ATXN1: variants seen among roughly 807,000 people sequenced by gnomAD.
The protein encoded by ATXN1 is ataxin-1.
ATXN1 carries 8 observed loss-of-function variants against 56.4 expected under a neutral mutation model. The observed-to-expected ratio is 0.14, with a 90% CI of 0.08 to 0.26. The LOEUF (loss-of-function observed/expected upper bound fraction) is 0.26, where lower values mean the gene tolerates loss of function less well. Among genes scored for constraint, ATXN1 ranks in the 10% least tolerant of loss-of-function variants. ATXN1 has a pLI of 1.00. For missense variants in ATXN1, 987 were observed against 1,106.5 expected, an observed-to-expected ratio of 0.89 and a Z score of 1.53; for synonymous variants, 514 against 494.6, an observed-to-expected ratio of 1.04 and a Z score of -0.52.
chr6:16,347,866 G>A lies in ATXN1; in HGVS notation c.-160-19396C>T, dbSNP rs576614268. Among the ~76,000 whole-genome samples, 234 of 151,974 alleles carry A rather than the reference G, an allele frequency of 1.5e-3. 1 individual carries two copies. Among genetic ancestry groups the A allele is most frequent in the Non-Finnish European group, 2.9e-3 (199 of 68,026 alleles). ...ACCTTCTCCGATCCCTTTCCACACT[G>A]TGGAAGCTTTGTTCTTTTTGTCTTT... On this transcript the variant is annotated intron_variant, in intron 6 of 7. Coordinates refer to ENST00000436367, the MANE Select transcript of ATXN1 (RefSeq NM_001128164.2).
chr6:16,429,425 GT>G (rs3072201), intron 6 of ATXN1, among the ~76,000 whole-genome samples: 3,857 of 105,910 alleles, frequency 0.036, 52 homozygotes, highest in African/African-American at 0.068. Flanking sequence ...TTTTTTGTTC[GT>G]TTTTTTTTTT....
intron 6 of ATXN1, among the ~76,000 whole-genome samples, chr6:16,468,814 C>T (rs1412353615): frequency 2.0e-5 from 3 of 151,798 alleles, no homozygotes; most frequent in African/African-American, 7.3e-5. Flanking sequence ...TTTTCAGATG[C>T]TTGAGAATAT....
intron 3 of ATXN1, among the ~76,000 whole-genome samples, chr6:16,596,776 C>T (rs1041957008): frequency 3.9e-5 from 6 of 152,160 alleles, no homozygotes; most frequent in Admixed American, 3.3e-4. Context: ...GGAGCCCTTT[C>T]CAAAGGCAAG....
intron 6 of ATXN1, among the ~76,000 whole-genome samples, chr6:16,345,136 G>A (rs1290482913): frequency 6.6e-6 from 1 of 152,172 alleles, no homozygotes; most frequent in Non-Finnish European, 1.5e-5. Context: ...TTTTGGATGT[G>A]ATGATAAAAA....
At chr6:16,359,453 G>C (rs1761762065) in intron 6 of ATXN1, among the ~76,000 whole-genome samples, 1 of 152,132 alleles carries the variant, frequency 6.6e-6, no homozygotes, top group African/African-American at 2.4e-5. Context: ...GTTGCAGAGA[G>C]GAGTACCCTC....
chr6:16,687,657 TACACACAC>T lies in ATXN1; in HGVS notation c.-614-29764_-614-29757del, dbSNP rs57034032. ...AAGCAGCCTGGAATCAAAGAAGAAATACACACACACACACACACACACACACACACACA... is the reference window on the plus strand; with the variant it reads ...AAGCAGCCTGGAATCAAAGAAGAAATACACACACACACACACACACACACA... On this transcript the variant is annotated intron_variant, in intron 2 of 7. Transcript: ENST00000436367. 4.3e-3 allele frequency among the ~76,000 whole-genome samples: 610 copies of T among 143,264 alleles called. 2 individuals carry two copies. The highest frequency in any genetic ancestry group is 6.1e-3 in the African/African-American group (230 of 37,928). The allele number at this position is 143,264 out of a possible 152,430, so 94.0% of individuals were successfully genotyped here. A position where few individuals can be genotyped will look rare whatever the true frequency, so the allele number is the denominator to read the frequency against.
At chr6:16,622,554 T>A (rs1019163977) in intron 3 of ATXN1, among the ~76,000 whole-genome samples, 1 of 152,238 alleles carries the variant, frequency 6.6e-6, no homozygotes, top group Non-Finnish European at 1.5e-5. Flanking sequence ...GCAGTTCTAT[T>A]TTTAGTTATA....
intron 3 of ATXN1, among the ~76,000 whole-genome samples, chr6:16,639,619 G>A (rs1172699718): frequency 6.9e-6 from 1 of 144,572 alleles, no homozygotes; most frequent in African/African-American, 2.4e-5. Flanking sequence ...CGGCCCCTGG[G>A]TTTCTTTCTT....
At chr6:16,628,835 A>G (rs1763453606) in intron 3 of ATXN1, among the ~76,000 whole-genome samples, 1 of 152,164 alleles carries the variant, frequency 6.6e-6, no homozygotes, top group Non-Finnish European at 1.5e-5. Flanking sequence ...CCATGGTAAT[A>G]TGTACCACAT....
intron 2 of ATXN1, among the ~76,000 whole-genome samples, chr6:16,710,629 C>A (rs1226172525): frequency 6.6e-6 from 1 of 151,972 alleles, no homozygotes; most frequent in African/African-American, 2.4e-5. Context: ...GCTCAGTCAC[C>A]CAGGCCGGAG....
intron 3 of ATXN1, among the ~76,000 whole-genome samples, chr6:16,597,623 C>T (rs1204631355): frequency 6.6e-6 from 1 of 151,918 alleles, no homozygotes; most frequent in East Asian, 1.9e-4. Context: ...TATTTTCAGT[C>T]GAGACGGGGT....
At chr6:16,400,805 C>T (rs2113535362) in intron 6 of ATXN1, among the ~76,000 whole-genome samples, 1 of 152,216 alleles carries the variant, frequency 6.6e-6, no homozygotes, top group Non-Finnish European at 1.5e-5. Context: ...GAATTACAAG[C>T]CAGAGAAAAG....
intron 3 of ATXN1, among the ~76,000 whole-genome samples, chr6:16,589,004 C>A (rs377536890): frequency 1.3e-5 from 2 of 152,092 alleles, no homozygotes; most frequent in African/African-American, 4.8e-5. Context: ...TCAGCACCTC[C>A]AAGTCCCTCC....
intron 4 of ATXN1, among the ~76,000 whole-genome samples, chr6:16,547,617 G>A (rs1181773489): frequency 6.6e-6 from 1 of 152,170 alleles, no homozygotes; most frequent in African/African-American, 2.4e-5. Flanking sequence ...CTGCAGGGCT[G>A]GTTCCTTCCA....
At chr6:16,425,019 C>T (rs147513868) in intron 6 of ATXN1, among the ~76,000 whole-genome samples, 6 of 152,342 alleles carry the variant, frequency 3.9e-5, no homozygotes, top group African/African-American at 1.4e-4. Flanking sequence ...TATTCCCTAA[C>T]ATGCCCTTTA....
intron 3 of ATXN1, among the ~76,000 whole-genome samples, chr6:16,600,205 G>A (rs1762888922): frequency 6.6e-6 from 1 of 152,138 alleles, no homozygotes; most frequent in South Asian, 2.1e-4. Flanking sequence ...CCTAAGATGA[G>A]CTATGTGCAC....
chr6:16,631,567 A>G (rs1163015970), intron 3 of ATXN1, among the ~76,000 whole-genome samples: 3 of 152,206 alleles, frequency 2.0e-5, no homozygotes, highest in African/African-American at 7.2e-5. Context: ...ACTCTGCCCC[A>G]GAAGTCTCAC....
At chr6:16,679,184 ATGAATGGATGGG>A (rs1758748845) in intron 2 of ATXN1, among the ~76,000 whole-genome samples, 1 of 151,146 alleles carries the variant, frequency 6.6e-6, no homozygotes, top group Non-Finnish European at 1.5e-5. Context: ...GGAAGGATAG[ATGAATGGATGGG>A]TGGGTGGGTG....
chr6:16,360,240 A>G (rs1363932335), intron 6 of ATXN1, among the ~76,000 whole-genome samples: 6 of 152,182 alleles, frequency 3.9e-5, no homozygotes, highest in African/African-American at 4.8e-5. Flanking sequence ...CAGAATCTGA[A>G]TTAATGCCCA....
Sources: allele counts gnomAD v4.1 joint callset (sites outside exome capture counted in the v4.1 genomes callset), GRCh38; gene constraint gnomAD v4.1.1; transcripts MANE v1.5; gene names NCBI Gene and HGNC (gene_info 2026-07-23, HGNC 2026-07-21).